The following ZNF611 variants were observed in gnomAD, a reference collection of about 807,000 sequenced individuals.
ZNF611 encodes the protein zinc finger protein 611.
ZNF611 carries 6 observed loss-of-function variants against 8.9 expected under a neutral mutation model. The ratio of observed to expected loss-of-function variants is 0.68; its 90% CI spans 0.37 to 1.34. The LOEUF (loss-of-function observed/expected upper bound fraction) is 1.34. Ranked by LOEUF, ZNF611 falls within the 40% of genes most tolerant of loss-of-function variation. The pLI, the probability that ZNF611 is intolerant of heterozygous loss-of-function variation, is 0.02. For synonymous variants in ZNF611, 262 were observed against 279.7 expected, an observed-to-expected ratio of 0.94 and a Z score of 0.63; for missense variants, 874 against 841.3, an observed-to-expected ratio of 1.04 and a Z score of -0.48.
chr19:52,719,958 G>C (rs529267830), intron 3 of ZNF611, among the ~76,000 whole-genome samples: 1 of 152,344 alleles, frequency 6.6e-6, no homozygotes, highest in African/African-American at 2.4e-5. Context: ...AGATTAGGGA[G>C]TGGTGATGAC....
intron 1 of ZNF611, among the ~76,000 whole-genome samples, chr19:52,730,472 T>C (rs1013958101): frequency 2.7e-5 from 4 of 150,118 alleles, no homozygotes; most frequent in African/African-American, 7.3e-5. Context: ...CCAAAAGCGA[T>C]GTTCAGAGTT....
chr19:52,726,421 T>C lies in ZNF611; in HGVS notation c.-20+2309A>G, dbSNP rs145180823. Among the ~76,000 whole-genome samples the C allele has an allele frequency of 2.8e-3, 425 of 152,238 alleles. 2 individuals are homozygous for C. Among genetic ancestry groups the C allele is most frequent in the African/African-American group, 9.8e-3 (405 of 41,534 alleles). On this transcript the variant is annotated intron_variant, in intron 3 of 5. Coordinates refer to ENST00000652185, the MANE Select transcript of ZNF611 (RefSeq NM_001161499.2). ...CGCTCTTTTTCTTTTCTTTCCTTTT[T>C]ATTTATTTTTATTTTTTGAGACGGA... is the stretch of plus-strand genomic sequence containing the variant.
rs376058624 is a variant in ZNF611, at chr19:52,705,886, C to G, written c.1169G>C (p.Arg390Thr). 202 of 1,614,100 alleles carry G rather than the reference C, an allele frequency of 1.3e-4. 2 individuals carry two copies. Among genetic ancestry groups the G allele is most frequent in the Admixed American group, 1.2e-3 (70 of 60,022 alleles). The change falls in exon 6 of 6, where the codon AGA (arginine) becomes ACA (threonine). Residue 390 changes from arginine (R) to threonine (T), a missense_variant. By Grantham distance (71) the Arg-to-Thr change is moderately conservative (BLOSUM62 -1). Transcript: ENST00000652185. ...GTATGGTTTCTCTCCAGTATGAATT[C>G]TCTTATGTGTCTCAATGGTTGATTT... ...SRKSTIETHK[R>T]IHTGEKPYRC...
Position 52,709,187 on chromosome 19 carries a change from A to T in ZNF611, c.191-2323T>A, listed in dbSNP as rs145322084. On this transcript the variant is annotated intron_variant, in intron 5 of 5. Coordinates refer to ENST00000652185, the MANE Select transcript of ZNF611 (RefSeq NM_001161499.2). ...GTTGGGGTCTTTTAGAGAGTTTTGT[A>T]ATGGGTGTTGACTAATTATGAATAG... 2.0e-5 allele frequency among the ~76,000 whole-genome samples: 3 copies of T among 152,256 alleles called. No homozygotes were observed. The East Asian group carries it at 5.8e-4, about 29-fold the overall frequency.
At chr19:52,728,693 T>C (rs2062407001) in intron 3 of ZNF611, 37 bp downstream of exon 3, 1 of 152,488 alleles carries the variant, frequency 6.6e-6, no homozygotes, top group Non-Finnish European at 1.5e-5. Context: ...TCTCATTTAC[T>C]TCCTTGTCTG....
intron 3 of ZNF611, among the ~76,000 whole-genome samples, chr19:52,722,905 GTTTTTTTTTTTTT>G (rs372056346): frequency 1.7e-5 from 2 of 120,010 alleles, no homozygotes; most frequent in Non-Finnish European, 3.4e-5. Context: ...TTTTGTTTTC[GTTTTTTTTTTTTT>G]TTTTTTGATA....
intron 1 of ZNF611, among the ~76,000 whole-genome samples, chr19:52,730,391 C>CAA (rs1159350274): frequency 0.013 from 951 of 73,468 alleles, 10 homozygotes; most frequent in Non-Finnish European, 0.018. Flanking sequence ...GACTCCGTCT[C>CAA]AAAAAAAAAA....
At chr19:52,712,520 C>CCCCAGCTA (rs2062287781) in intron 5 of ZNF611, among the ~76,000 whole-genome samples, 1 of 143,522 alleles carries the variant, frequency 7.0e-6, no homozygotes, top group Admixed American at 7.1e-5. Flanking sequence ...ACATCTATGA[C>CCCCAGCTA]CCCAGCTACT....
chr19:52,705,588 C>A lies in ZNF611; in HGVS notation c.1467G>T (p.Lys489Asn). The stretch of plus-strand genomic sequence containing the variant: ...AAAGATCTGAATTTTGACCAAAGGT[C>A]TTCCCACATTCATTACACTTGTAAG... ...EKPYKCNECG[K>N]TFGQNSDLLI... is the part of the protein sequence containing the mutation. The change falls in exon 6 of 6, where the codon AAG becomes AAT. Residue 489 changes from lysine (K) to asparagine (N), a missense_variant. Transcript: ENST00000652185. The A allele has an allele frequency of 6.2e-7, 1 of 1,614,066 alleles. No homozygotes were observed. Among genetic ancestry groups the A allele is most frequent in the Non-Finnish European group, 8.5e-7 (1 of 1,180,010 alleles).
Position 52,704,520 on chromosome 19 carries a change from G to T in ZNF611, c.*417C>A. 1.8e-6 allele frequency: 2 copies of T among 1,121,074 alleles called. No individual in the cohort carries two copies. Among genetic ancestry groups the T allele is most frequent in the Non-Finnish European group, 2.7e-6 (2 of 748,634 alleles). The allele number at this position is 1,121,074 out of a possible 1,614,324, so 69.4% of individuals were successfully genotyped here. A position where few individuals can be genotyped will look rare whatever the true frequency, so the allele number is the denominator to read the frequency against. On this transcript the variant is annotated 3_prime_UTR_variant, in exon 6 of 6. Coordinates refer to ENST00000652185, the MANE Select transcript of ZNF611 (RefSeq NM_001161499.2). Reference sequence around the variant, plus strand: ...AGACCTTGGCACAGTCATGACATTTGTAAGGTTTCTCTCCAGTATGAGTTC... The same window carrying T: ...AGACCTTGGCACAGTCATGACATTTTTAAGGTTTCTCTCCAGTATGAGTTC...
intron 3 of ZNF611, among the ~76,000 whole-genome samples, chr19:52,722,909 T>TG (rs1442129025): frequency 6.7e-6 from 1 of 148,588 alleles, no homozygotes; most frequent in Non-Finnish European, 1.5e-5. Context: ...GTTTTCGTTT[T>TG]TTTTTTTTTT....
At chr19:52,715,542 A>G (rs1318743302) in intron 4 of ZNF611, among the ~76,000 whole-genome samples, 2 of 152,204 alleles carry the variant, frequency 1.3e-5, no homozygotes, top group African/African-American at 2.4e-5. Context: ...TGAACAACCC[A>G]GGCTGCCCAG....
intron 5 of ZNF611, among the ~76,000 whole-genome samples, chr19:52,711,657 C>T (rs2062280985): frequency 6.6e-6 from 1 of 152,172 alleles, no homozygotes; most frequent in African/African-American, 2.4e-5. Flanking sequence ...GTTCTGAAGC[C>T]ATCCCTCATG....
chr19:52,729,492 C>CAAAA (rs397859789), intron 2 of ZNF611, among the ~76,000 whole-genome samples: 136 of 42,362 alleles, frequency 3.2e-3, no homozygotes, highest in Non-Finnish European at 3.8e-3. Flanking sequence ...GACTCCATCT[C>CAAAA]AAAAAAAAAA....
intron 3 of ZNF611, chr19:52,724,797 C>G (rs2062381110): frequency 6.5e-6 from 1 of 152,678 alleles, no homozygotes; most frequent in Non-Finnish European, 1.5e-5. Flanking sequence ...CTCCAAATCC[C>G]TCCTCCTCTC....
rs777618211 is a variant in ZNF611, at chr19:52,706,089, C to A, written c.966G>T (p.Lys322Asn). 5 of 1,614,100 alleles carry A rather than the reference C, an allele frequency of 3.1e-6. No individual in the cohort carries two copies. Among genetic ancestry groups the A allele is most frequent in the Non-Finnish European group, 4.2e-6 (5 of 1,180,006 alleles). Residue 322 changes from lysine (K) to asparagine (N), a missense_variant, in exon 6 of 6, where the codon AAG becomes AAT. Physicochemically the swap from Lys to Asn is moderately conservative, Grantham distance 94 (BLOSUM62 0). Coordinates refer to ENST00000652185, the MANE Select transcript of ZNF611 (RefSeq NM_001161499.2). ...VKRYNCNECGKIFGQNSALLI... is the reference protein window; with the variant it reads ...VKRYNCNECGNIFGQNSALLI... ...GAAGGGCTGAATTTTGACCAAAGAT[C>A]TTGCCACACTCATTACAATTGTAAC...
At position 52,706,352 on chromosome 19, in the gene ZNF611, T is replaced by C. The variant is rs3859456; in HGVS notation, c.703A>G (p.Lys235Glu). The C allele has an allele frequency of 3.8e-5, 62 of 1,614,058 alleles. 1 individual carries two copies. Among genetic ancestry groups the C allele is most frequent in the Middle Eastern group, 3.3e-4 (2 of 6,084 alleles). The change falls in exon 6 of 6, where the codon AAG becomes GAG. Residue 235 changes from lysine (K) to glutamate (E), a missense_variant. Physicochemically the swap from Lys to Glu is moderately conservative, Grantham distance 56. Transcript: ENST00000652185. ...HMREKSFQCN[K>E]SGKAFNCSSL... Reference sequence around the variant, plus strand: ...CTACAATTAAAGGCTTTGCCACTCTTATTACATTGGAAAGATTTTTCTCTC... The same window carrying C: ...CTACAATTAAAGGCTTTGCCACTCTCATTACATTGGAAAGATTTTTCTCTC...
At chr19:52,731,994 G>A (rs574248134) in intron 1 of ZNF611, among the ~76,000 whole-genome samples, 25 of 149,594 alleles carry the variant, frequency 1.7e-4, no homozygotes, top group South Asian at 1.1e-3. Context: ...AAAAATGGCC[G>A]GGCGGGTGGC....
chr19:52,723,565 G>A (rs1393522582), intron 3 of ZNF611: 2 of 152,208 alleles, frequency 1.3e-5, no homozygotes, highest in Non-Finnish European at 2.9e-5. Context: ...CCTTATTGAA[G>A]GGGGCCAGCC....
Sources: gnomAD v4.1 joint callset for allele counts (sites outside exome capture counted in the v4.1 genomes callset) on GRCh38, gnomAD v4.1.1 for gene constraint, MANE v1.5 for transcripts, NCBI Gene and HGNC (gene_info 2026-07-23, HGNC 2026-07-21) for gene names.